NLGN1: variants seen among roughly 807,000 people sequenced by gnomAD.
NLGN1 encodes the protein neuroligin 1.
A neutral mutation model predicts 65.5 loss-of-function variants in NLGN1; 12 were observed. That is an observed-to-expected ratio of 0.18 (90% CI 0.12 to 0.30). NLGN1 has a LOEUF of 0.30. Among genes scored for constraint, NLGN1 ranks in the 10% least tolerant of loss-of-function variants. The pLI, the probability that NLGN1 is intolerant of heterozygous loss-of-function variation, is 1.00. For synonymous variants in NLGN1, 350 were observed against 359.5 expected (o/e 0.97, Z 0.30); for missense variants, 750 against 1,007.1 (o/e 0.74, Z 3.46).
At chr3:173,992,813 C>G (rs747578040) in intron 4 of NLGN1, among the ~76,000 whole-genome samples, 4 of 152,174 alleles carry the variant, frequency 2.6e-5, no homozygotes, top group Non-Finnish European at 5.9e-5. Context: ...ATATTTATTA[C>G]AGACTCTTAT....
intron 4 of NLGN1, among the ~76,000 whole-genome samples, chr3:174,077,492 T>A (rs2152543504): frequency 6.6e-6 from 1 of 152,248 alleles, no homozygotes; most frequent in Non-Finnish European, 1.5e-5. Context: ...CAGAAAATAT[T>A]TGGACAACAT....
chr3:173,787,996 A>G (rs867709974), intron 3 of NLGN1, among the ~76,000 whole-genome samples: 2 of 152,192 alleles, frequency 1.3e-5, no homozygotes, highest in South Asian at 4.1e-4. Flanking sequence ...ATTGAAAAAT[A>G]TAACTTCATC....
chr3:173,680,779 G>A (rs1409081860), intron 3 of NLGN1, among the ~76,000 whole-genome samples: 1 of 152,088 alleles, frequency 6.6e-6, no homozygotes, highest in Middle Eastern at 3.2e-3. Context: ...GTAACTTTGG[G>A]AGGTATATAC....
intron 3 of NLGN1, among the ~76,000 whole-genome samples, chr3:173,620,734 A>T (rs1329215591): frequency 6.6e-6 from 1 of 152,128 alleles, no homozygotes; most frequent in Admixed American, 6.6e-5. Context: ...TCAGAATGAG[A>T]CAGAGATAGA....
intron 1 of NLGN1, among the ~76,000 whole-genome samples, chr3:173,418,041 A>G (rs1156993792): frequency 1.3e-5 from 2 of 151,384 alleles, no homozygotes; most frequent in African/African-American, 4.8e-5. Flanking sequence ...CTTTCTTTTT[A>G]TTTGTTTATG....
chr3:174,286,316 T>C (rs1167327748), exon 7 of NLGN1: 1 of 151,418 alleles, frequency 6.6e-6, no homozygotes, highest in East Asian at 1.9e-4. Context: ...CAGTTTTGAG[T>C]TGAAATGAAT....
chr3:174,026,112 A>T (rs1728777915), intron 4 of NLGN1, among the ~76,000 whole-genome samples: 1 of 152,126 alleles, frequency 6.6e-6, no homozygotes, highest in Non-Finnish European at 1.5e-5. Context: ...AATGTAGATG[A>T]TTTATTTTTA....
chr3:173,907,677 C>G (rs1226190932), intron 4 of NLGN1, among the ~76,000 whole-genome samples: 1 of 151,526 alleles, frequency 6.6e-6, no homozygotes, highest in Non-Finnish European at 1.5e-5. Context: ...CTCTGCCTCC[C>G]AGGTTCAAGC....
intron 4 of NLGN1, among the ~76,000 whole-genome samples, chr3:174,066,516 G>GTCTCTCTCTCTCTCTCTCTC (rs373763421): frequency 1.0e-4 from 7 of 67,028 alleles, no homozygotes; most frequent in Admixed American, 1.8e-4. Flanking sequence ...TATGGAACAA[G>GTCTCTCTCTCTCTCTCTCTC]TCTCTCTCTC....
intron 4 of NLGN1, among the ~76,000 whole-genome samples, chr3:174,196,955 C>A (rs1733537432): frequency 6.6e-6 from 1 of 152,116 alleles, no homozygotes; most frequent in South Asian, 2.1e-4. Flanking sequence ...TAGGGCTTAA[C>A]CCCAGATGGT....
chr3:173,560,278 A>T (rs1002019486), intron 2 of NLGN1, among the ~76,000 whole-genome samples: 7 of 152,168 alleles, frequency 4.6e-5, no homozygotes, highest in African/African-American at 1.7e-4. Flanking sequence ...ATTTTTTCCT[A>T]AGCCATGGAA....
chr3:173,461,147 G>T (rs1332226352), intron 2 of NLGN1, among the ~76,000 whole-genome samples: 1 of 152,118 alleles, frequency 6.6e-6, no homozygotes, highest in East Asian at 1.9e-4. Context: ...TATGAGCCTT[G>T]ATGTAAGGAA....
At chr3:173,447,091 G>C (rs1337632496) in intron 2 of NLGN1, among the ~76,000 whole-genome samples, 1 of 152,136 alleles carries the variant, frequency 6.6e-6, no homozygotes, top group Non-Finnish European at 1.5e-5. Context: ...TGTCAATTTT[G>C]ACTTTTGTTG....
intron 3 of NLGN1, among the ~76,000 whole-genome samples, chr3:173,786,302 G>A (rs1318892489): frequency 6.6e-6 from 1 of 152,064 alleles, no homozygotes; most frequent in African/African-American, 2.4e-5. Context: ...ATATCCCTAT[G>A]TGTTCAGTTT....
chr3:174,253,951 C>A (rs1745213766), intron 4 of NLGN1, among the ~76,000 whole-genome samples: 2 of 152,188 alleles, frequency 1.3e-5, no homozygotes, highest in Non-Finnish European at 2.9e-5. Context: ...GACAGTACCT[C>A]CAGAGGATTG....
intron 4 of NLGN1, among the ~76,000 whole-genome samples, chr3:173,941,048 G>A (rs563824951): frequency 3.3e-5 from 5 of 152,198 alleles, no homozygotes; most frequent in East Asian, 1.9e-4. Flanking sequence ...TGTAGCTTTC[G>A]TGGATTAGTT....
At chr3:174,086,201 G>T (rs1397882631) in intron 4 of NLGN1, among the ~76,000 whole-genome samples, 1 of 27,628 alleles carries the variant, frequency 3.6e-5, no homozygotes, top group Non-Finnish European at 7.2e-5. Context: ...GTGTGTGTGT[G>T]TGTGCGTGTG....
At chr3:174,039,662 A>T (rs1207104408) in intron 4 of NLGN1, among the ~76,000 whole-genome samples, 1 of 152,146 alleles carries the variant, frequency 6.6e-6, no homozygotes, top group Non-Finnish European at 1.5e-5. Flanking sequence ...GCTTATTGCA[A>T]AGGACAAAAT....
At chr3:173,423,088 G>GGA (rs145355386) in intron 1 of NLGN1, among the ~76,000 whole-genome samples, 6 of 151,720 alleles carry the variant, frequency 4.0e-5, no homozygotes, top group Admixed American at 1.3e-4. Context: ...CAAGGCAGCA[G>GGA]GAGAGAGAGA....
Sources: allele counts gnomAD v4.1 joint callset (sites outside exome capture counted in the v4.1 genomes callset), GRCh38; gene constraint gnomAD v4.1.1; transcripts MANE v1.5; gene names NCBI Gene and HGNC (gene_info 2026-07-23, HGNC 2026-07-21).